The following ACACA variants were observed in gnomAD, a reference collection of about 807,000 sequenced individuals.
ACACA encodes the protein acetyl-CoA carboxylase alpha.
ACACA carries 103 observed loss-of-function variants against 296.1 expected under a neutral mutation model. The ratio of observed to expected loss-of-function variants is 0.35; its 90% CI spans 0.30 to 0.41. The LOEUF is 0.41. ACACA is among the 10% of genes least tolerant of loss of function. The pLI is 1.00. For missense variants in ACACA, 1,554 were observed against 2,989.7 expected (o/e 0.52, Z 11.20); for synonymous variants, 953 against 1,038.6 (o/e 0.92, Z 1.58).
At chr17:37,124,056 C>G (rs1183142130) in intron 48 of ACACA, among the ~76,000 whole-genome samples, 2 of 152,188 alleles carry the variant, frequency 1.3e-5, no homozygotes, top group Non-Finnish European at 2.9e-5. Context: ...AATTTACAGC[C>G]AATAGCACAC....
At chr17:37,300,755 G>C (rs2083580739) in intron 3 of ACACA, among the ~76,000 whole-genome samples, 1 of 152,106 alleles carries the variant, frequency 6.6e-6, no homozygotes. Context: ...CACCCAACAT[G>C]ACAACCAGCT....
rs1343424223 is a variant in ACACA, at chr17:37,185,385, A to G, written c.4776+2892T>C. Among the ~76,000 whole-genome samples the G allele has an allele frequency of 6.3e-5, 8 of 127,166 alleles. No individual in the cohort carries two copies. The East Asian group carries it at 1.9e-3, about 31-fold the overall frequency. 83.4% of individuals were successfully genotyped at this position (127,166 alleles called of 152,430 possible). On this transcript the variant is annotated intron_variant, in intron 39 of 55. Coordinates refer to ENST00000616317, the MANE Select transcript of ACACA (RefSeq NM_198834.3). ...GTAGTTGGTACTACAGGTGCATGAC[A>G]CCATGCCTGGCTATTTCTTTTTTTT...
intron 3 of ACACA, among the ~76,000 whole-genome samples, chr17:37,286,038 C>T (rs1338424466): frequency 1.3e-5 from 2 of 152,118 alleles, no homozygotes; most frequent in East Asian, 1.9e-4. Flanking sequence ...ACTGTAGGCG[C>T]GCCACCACAC....
At chr17:37,229,396 G>A (rs982606668) in intron 25 of ACACA, among the ~76,000 whole-genome samples, 85 of 151,488 alleles carry the variant, frequency 5.6e-4, no homozygotes, top group African/African-American at 1.9e-3. Flanking sequence ...CTCCGCCTCC[G>A]GGGTTCACGC....
At chr17:37,088,374 C>T (rs1424554524) in intron 55 of ACACA, among the ~76,000 whole-genome samples, 2 of 152,100 alleles carry the variant, frequency 1.3e-5, no homozygotes, top group Non-Finnish European at 2.9e-5. Flanking sequence ...GGCAGGCACA[C>T]TCATAAGTGA....
intron 45 of ACACA, among the ~76,000 whole-genome samples, chr17:37,140,283 A>C (rs139743414): frequency 2.0e-3 from 311 of 152,334 alleles, no homozygotes; most frequent in African/African-American, 7.1e-3. Context: ...TAAGAAACAA[A>C]ATTAAAAAAA....
intron 1 of ACACA, among the ~76,000 whole-genome samples, chr17:37,341,132 A>G (rs1266103498): frequency 1.3e-5 from 2 of 152,214 alleles, no homozygotes; most frequent in Non-Finnish European, 2.9e-5. Context: ...ACCTCATGGG[A>G]CTGCTGTGAA....
chr17:37,359,193 G>T, intron 1 of ACACA: 1 of 949,024 alleles, frequency 1.1e-6, no homozygotes, highest in Non-Finnish European at 1.3e-6. Flanking sequence ...CACCTCAGCC[G>T]GCGAGCTCCA....
intron 1 of ACACA, among the ~76,000 whole-genome samples, chr17:37,347,301 C>T (rs530810287): frequency 6.6e-6 from 1 of 152,284 alleles, no homozygotes; most frequent in African/African-American, 2.4e-5. Context: ...GGCCATATAG[C>T]ACAGTAAGTG....
At chr17:37,266,811 T>C (rs2081801306) in intron 10 of ACACA, among the ~76,000 whole-genome samples, 1 of 152,228 alleles carries the variant, frequency 6.6e-6, no homozygotes, top group Non-Finnish European at 1.5e-5. Flanking sequence ...ACCAGATCCA[T>C]GACTTCATTA....
intron 45 of ACACA, among the ~76,000 whole-genome samples, chr17:37,132,055 G>T (rs1041300545): frequency 1.2e-4 from 19 of 152,118 alleles, no homozygotes; most frequent in Admixed American, 1.0e-3. Flanking sequence ...CTGATACACT[G>T]ATCTCTCGGT....
chr17:37,291,793 T>C (rs2083081398), intron 3 of ACACA, among the ~76,000 whole-genome samples: 1 of 152,160 alleles, frequency 6.6e-6, no homozygotes, highest in Admixed American at 6.6e-5. Flanking sequence ...AATAAATGAC[T>C]GATACGATTA....
chr17:37,185,693 T>G (rs1455192214), intron 39 of ACACA, among the ~76,000 whole-genome samples: 1 of 151,988 alleles, frequency 6.6e-6, no homozygotes, highest in Non-Finnish European at 1.5e-5. Flanking sequence ...CTCAGCCTCC[T>G]GAGTAGCTGG....
chr17:37,244,783 G>A lies in ACACA; in HGVS notation c.2596-49C>T, dbSNP rs377426419. On this transcript the variant is annotated intron_variant, in intron 20 of 55. Coordinates refer to ENST00000616317, the MANE Select transcript of ACACA (RefSeq NM_198834.3). ...AGTCATCTACTACTTTTGATCTAAG[G>A]TACAAACACACCACTGCACTTAAGA... The A allele has an allele frequency of 3.7e-6, 6 of 1,610,652 alleles. No homozygotes were observed. In the South Asian group the frequency reaches 5.5e-5, roughly 15 times the overall value.
At chr17:37,162,387 G>C (rs1007091477) in intron 41 of ACACA, among the ~76,000 whole-genome samples, 11 of 152,126 alleles carry the variant, frequency 7.2e-5, no homozygotes, top group African/African-American at 2.7e-4. Context: ...TCATTTTACT[G>C]CCATATATAC....
chr17:37,229,001 G>A (rs1313477697), intron 25 of ACACA, among the ~76,000 whole-genome samples: 2 of 151,854 alleles, frequency 1.3e-5, no homozygotes, highest in African/African-American at 2.4e-5. Flanking sequence ...AAAATTAGCC[G>A]GGCGTGGTGG....
chr17:37,148,230 TAA>T (rs755283220), intron 45 of ACACA, among the ~76,000 whole-genome samples: 1 of 135,994 alleles, frequency 7.4e-6, no homozygotes. Context: ...AAGAGCAACT[TAA>T]AAAAAAAAAA....
intron 39 of ACACA, among the ~76,000 whole-genome samples, chr17:37,185,265 C>A (rs1463441160): frequency 6.6e-6 from 1 of 152,152 alleles, no homozygotes; most frequent in Non-Finnish European, 1.5e-5. Flanking sequence ...CAGTGTCTCA[C>A]TCTCTCGCCC....
intron 1 of ACACA, chr17:37,365,764 G>A (rs2049584383): frequency 1.0e-6 from 1 of 984,102 alleles, no homozygotes; most frequent in East Asian, 1.1e-4. Context: ...ATGATGAAAG[G>A]TAGAATTGCA....
Sources: gnomAD v4.1 joint callset for allele counts (sites outside exome capture counted in the v4.1 genomes callset) on GRCh38, gnomAD v4.1.1 for gene constraint, MANE v1.5 for transcripts, NCBI Gene and HGNC (gene_info 2026-07-23, HGNC 2026-07-21) for gene names.